Variants in TNPO3 observed in about 807,000 individuals in gnomAD.
TNPO3 encodes transportin 3, also known as transportin-3.
TNPO3 carries 65 observed loss-of-function variants against 122.8 expected under a neutral mutation model. The observed-to-expected ratio is 0.53, with a 90% confidence interval of 0.43 to 0.65. The LOEUF is 0.65. Among genes scored for constraint, TNPO3 ranks in the 30% least tolerant of loss-of-function variants. TNPO3 has a pLI of 0.00. For synonymous variants in TNPO3, 372 were observed against 411.2 expected, an observed-to-expected ratio of 0.90 and a Z score of 1.15; for missense variants, 850 against 1,136.7, an observed-to-expected ratio of 0.75 and a Z score of 3.63.
At chr7:128,955,427 T>C (rs531148935) in intron 22 of TNPO3, 42 bp from the exon 23 acceptor site, 60 of 433,074 alleles carry the variant, frequency 1.4e-4, no homozygotes, top group Non-Finnish European at 2.4e-4. Flanking sequence ...CACCAGAAAA[T>C]AGAGCATTTA....
At chr7:129,025,902 G>A (rs1300441649) in intron 1 of TNPO3, among the ~76,000 whole-genome samples, 2 of 152,092 alleles carry the variant, frequency 1.3e-5, no homozygotes, top group Non-Finnish European at 2.9e-5. Context: ...AAGACTGGTG[G>A]GTCACCTGAG....
chr7:128,979,744 C>T lies in TNPO3; in HGVS notation c.1920+227G>A, dbSNP rs887616961. Among the ~76,000 whole-genome samples the T allele has an allele frequency of 1.3e-5, 2 of 152,222 alleles. 1 individual carries two copies. The highest frequency in any genetic ancestry group is 2.9e-5 in the Non-Finnish European group (2 of 68,028). Reference sequence around the variant, plus strand: ...TAGGAGTCACACAGTGAATCTCTTTCTACCACTTCTCTGGTCTTTCAAGGC... The same window carrying T: ...TAGGAGTCACACAGTGAATCTCTTTTTACCACTTCTCTGGTCTTTCAAGGC... On this transcript the variant is annotated intron_variant, in intron 15 of 22. Transcript: ENST00000265388.
rs538215569 is a variant in TNPO3, at chr7:129,016,403, ATAAAATAAAT to A, written c.395+570_395+579del. Among the ~76,000 whole-genome samples, 32 of 152,320 alleles carry A rather than the reference ATAAAATAAAT, an allele frequency of 2.1e-4. No homozygotes were observed. The South Asian group carries it at 2.7e-3, about 13-fold the overall frequency. ...GAGCGAGACTCCATCTCAAAATAAAATAAAATAAATAATAAGTTATCCGTAAAATGCTTTA... is the reference window on the plus strand; with the variant it reads ...GAGCGAGACTCCATCTCAAAATAAAAAATAAGTTATCCGTAAAATGCTTTA... On this transcript the variant is annotated intron_variant, in intron 3 of 22. Transcript: ENST00000265388.
intron 13 of TNPO3, among the ~76,000 whole-genome samples, chr7:128,982,977 T>C (rs1799780501): frequency 6.6e-6 from 1 of 152,206 alleles, no homozygotes; most frequent in African/African-American, 2.4e-5. Context: ...CCCATTACAT[T>C]TTCTAACTGA....
intron 21 of TNPO3, among the ~76,000 whole-genome samples, chr7:128,958,658 A>G (rs1165032242): frequency 6.6e-6 from 1 of 152,200 alleles, no homozygotes; most frequent in Non-Finnish European, 1.5e-5. Context: ...AGATTTCCCC[A>G]TCCATTGTAA....
intron 11 of TNPO3, among the ~76,000 whole-genome samples, chr7:128,989,617 G>A (rs1010344586): frequency 1.3e-5 from 2 of 152,254 alleles, no homozygotes; most frequent in African/African-American, 2.4e-5. Flanking sequence ...TTTGGTCCTT[G>A]AGTAGCTTCT....
chr7:128,961,025 T>A (rs1797399182), intron 21 of TNPO3, among the ~76,000 whole-genome samples: 1 of 152,118 alleles, frequency 6.6e-6, no homozygotes, highest in Non-Finnish European at 1.5e-5. Context: ...CCTCCCAAAG[T>A]GCTGGGATTA....
chr7:129,010,536 T>C (rs1032788548), intron 4 of TNPO3, among the ~76,000 whole-genome samples: 7 of 152,188 alleles, frequency 4.6e-5, no homozygotes, highest in Admixed American at 2.0e-4. Flanking sequence ...TAAAGTCTGA[T>C]AGGGAATTGA....
chr7:129,050,064 T>TC (rs1228526573), intron 1 of TNPO3, among the ~76,000 whole-genome samples: 2 of 151,534 alleles, frequency 1.3e-5, no homozygotes, highest in African/African-American at 2.4e-5. Flanking sequence ...ACTTTTCTTT[T>TC]CTTTTTTTTC....
At chr7:129,035,613 CG>C (rs1381151341) in intron 1 of TNPO3, among the ~76,000 whole-genome samples, 2 of 151,008 alleles carry the variant, frequency 1.3e-5, no homozygotes, top group South Asian at 2.1e-4. Context: ...GAGACCACGT[CG>C]GGGGGAAAAA....
chr7:129,005,304 GTT>G lies in TNPO3; in HGVS notation c.553-147_553-146del, dbSNP rs35061509. ...GTGCTTTTTAAGTTTAAGTGTCACTGTTTTTTTTTTTTCCTTTTAAGAGAGAG... is the reference window on the plus strand; with the variant it reads ...GTGCTTTTTAAGTTTAAGTGTCACTGTTTTTTTTTTCCTTTTAAGAGAGAG... On this transcript the variant is annotated intron_variant, in intron 4 of 22. Transcript: ENST00000265388. The G allele has an allele frequency of 0.029, 15,288 of 532,664 alleles. 745 individuals carry two copies. The highest frequency in any genetic ancestry group is 0.17 in the African/African-American group (8,958 of 51,596). 33.0% of individuals were successfully genotyped at this position (532,664 alleles called of 1,614,324 possible). A position where few individuals can be genotyped will look rare whatever the true frequency, so the allele number is the denominator to read the frequency against.
At chr7:129,051,357 CT>C (rs34186175) in intron 1 of TNPO3, among the ~76,000 whole-genome samples, 102,933 of 138,424 alleles carry the variant, frequency 0.74, 38,250 homozygotes, top group Middle Eastern at 0.86. Flanking sequence ...GGTGTGGTGA[CT>C]TTTTTTTTTT....
chr7:129,018,238 C>CA, intron 1 of TNPO3, 81 bp from the exon 2 acceptor site: 1 of 1,367,924 alleles, frequency 7.3e-7, no homozygotes, highest in East Asian at 2.4e-5. Context: ...CTTATATAAA[C>CA]ATATTTAGCC....
At chr7:129,049,170 T>C (rs1471284796) in intron 1 of TNPO3, among the ~76,000 whole-genome samples, 2 of 152,134 alleles carry the variant, frequency 1.3e-5, no homozygotes, top group Admixed American at 6.5e-5. Context: ...GAAAGTAAAG[T>C]TGGGCAAAGG....
intron 1 of TNPO3, among the ~76,000 whole-genome samples, chr7:129,033,591 A>G (rs892163146): frequency 1.3e-5 from 2 of 152,180 alleles, no homozygotes; most frequent in Non-Finnish European, 2.9e-5. Flanking sequence ...CAAAAATCCC[A>G]GTTCTGGCTA....
intron 8 of TNPO3, among the ~76,000 whole-genome samples, chr7:128,994,930 T>G (rs1801149095): frequency 6.6e-6 from 1 of 152,204 alleles, no homozygotes; most frequent in Non-Finnish European, 1.5e-5. Flanking sequence ...AGTTCCGGGA[T>G]TATAGGCATG....
At chr7:128,996,742 C>CAAA (rs10618550) in intron 8 of TNPO3, among the ~76,000 whole-genome samples, 18 of 69,910 alleles carry the variant, frequency 2.6e-4, no homozygotes, top group African/African-American at 7.5e-4. Context: ...GACTCCGTCT[C>CAAA]AAAAAAAAAA....
chr7:129,004,896 C>T, intron 5 of TNPO3, 120 bp downstream of exon 5: 1 of 881,640 alleles, frequency 1.1e-6, no homozygotes, highest in East Asian at 2.6e-5. Flanking sequence ...AACATTGCTG[C>T]ATTCTTAATA....
At position 128,990,111 on chromosome 7, in the gene TNPO3, G is replaced by A. The variant is rs374937475; in HGVS notation, c.1359-11C>T. ...GTTGGATTGTTTTCCCTGAGTACAGGCGGTAAGTACTCACAGTTACTGATT... is the reference window on the plus strand; with the variant it reads ...GTTGGATTGTTTTCCCTGAGTACAGACGGTAAGTACTCACAGTTACTGATT... On this transcript the variant is annotated splice_polypyrimidine_tract_variant and intron_variant, in intron 10 of 22. Transcript: ENST00000265388. 4.4e-5 allele frequency: 71 copies of A among 1,614,000 alleles called. No homozygotes were observed. Among genetic ancestry groups the A allele is most frequent in the Non-Finnish European group, 5.6e-5 (66 of 1,179,972 alleles).
Sources: gnomAD v4.1 joint callset for allele counts (sites outside exome capture counted in the v4.1 genomes callset) on GRCh38, gnomAD v4.1.1 for gene constraint, MANE v1.5 for transcripts, NCBI Gene and HGNC (gene_info 2026-07-23, HGNC 2026-07-21) for gene names.